ATP6V1E1: variants seen among roughly 807,000 people sequenced by gnomAD.
The protein encoded by ATP6V1E1 is V-type proton ATPase subunit E 1.
A neutral mutation model predicts 35.2 loss-of-function variants in ATP6V1E1; 21 were observed. The observed-to-expected ratio is 0.60, with a 90% CI of 0.42 to 0.86. The LOEUF (loss-of-function observed/expected upper bound fraction) is 0.86, where lower values mean the gene tolerates loss of function less well. Among genes scored for constraint, ATP6V1E1 ranks in the 40% least tolerant of loss-of-function variants. The pLI is 0.00. For missense variants in ATP6V1E1, 183 were observed against 272.6 expected, an observed-to-expected ratio of 0.67 and a Z score of 2.32; for synonymous variants, 83 against 87.8, an observed-to-expected ratio of 0.95 and a Z score of 0.30.
chr22:17,609,945 A>C (rs1331560640), intron 4 of ATP6V1E1, among the ~76,000 whole-genome samples: 1 of 152,178 alleles, frequency 6.6e-6, no homozygotes, highest in Non-Finnish European at 1.5e-5. Flanking sequence ...TTTAGGTGTC[A>C]AGTTTTCTTA....
intron 7 of ATP6V1E1, 124 bp downstream of exon 7, chr22:17,598,070 A>G: frequency 1.3e-6 from 1 of 749,298 alleles, no homozygotes; most frequent in African/African-American, 1.7e-5. Flanking sequence ...AGAATACACC[A>G]CAGCTCTAGC....
chr22:17,621,573 G>A (rs961550507), intron 1 of ATP6V1E1, among the ~76,000 whole-genome samples: 2 of 152,148 alleles, frequency 1.3e-5, no homozygotes, highest in African/African-American at 4.8e-5. Context: ...GGGATTTCAG[G>A]TGTGAGTCAC....
At chr22:17,602,505 G>T (rs1046303582) in intron 4 of ATP6V1E1, among the ~76,000 whole-genome samples, 115 of 152,114 alleles carry the variant, frequency 7.6e-4, no homozygotes, top group African/African-American at 2.7e-3. Flanking sequence ...CTCCCAAGTG[G>T]CTGGGACTAC....
chr22:17,592,141 A>G lies in ATP6V1E1; in HGVS notation c.*533T>C, dbSNP rs926666244. 7 of 152,672 alleles carry G rather than the reference A, an allele frequency of 4.6e-5. No individual in the cohort carries two copies. The highest frequency in any genetic ancestry group is 1.7e-4 in the African/African-American group (7 of 41,470). 9.5% of individuals were successfully genotyped at this position (152,672 alleles called of 1,614,324 possible). A position where few individuals can be genotyped will look rare whatever the true frequency, so the allele number is the denominator to read the frequency against. On this transcript the variant is annotated 3_prime_UTR_variant, in exon 9 of 9. Coordinates refer to ENST00000253413, the MANE Select transcript of ATP6V1E1 (RefSeq NM_001696.4). ...TGACTCTGTCAAAACCTAAATTTGTAGTGCCTTACACTAGAAATCACATTA... is the reference window on the plus strand; with the variant it reads ...TGACTCTGTCAAAACCTAAATTTGTGGTGCCTTACACTAGAAATCACATTA...
At chr22:17,598,400 C>T in intron 6 of ATP6V1E1, 112 bp from the exon 7 acceptor site, 1 of 831,544 alleles carries the variant, frequency 1.2e-6, no homozygotes, top group Non-Finnish European at 1.9e-6. Context: ...GGTAAAAGAA[C>T]AGAGGCACCG....
intron 6 of ATP6V1E1, among the ~76,000 whole-genome samples, chr22:17,599,236 G>A (rs2057748913): frequency 6.6e-6 from 1 of 151,652 alleles, no homozygotes; most frequent in African/African-American, 2.4e-5. Context: ...GTACTTAATG[G>A]CACAATGTAT....
At chr22:17,606,221 A>G (rs545484341) in intron 4 of ATP6V1E1, among the ~76,000 whole-genome samples, 7 of 152,272 alleles carry the variant, frequency 4.6e-5, no homozygotes, top group African/African-American at 1.7e-4. Context: ...CCAGTTCTGT[A>G]TTTTTCCCCT....
At chr22:17,609,532 G>A (rs1402619599) in intron 4 of ATP6V1E1, among the ~76,000 whole-genome samples, 1 of 138,190 alleles carries the variant, frequency 7.2e-6, no homozygotes, top group Non-Finnish European at 1.5e-5. Flanking sequence ...GCAGTGGTGC[G>A]ATCTCAGCTC....
intron 4 of ATP6V1E1, among the ~76,000 whole-genome samples, chr22:17,612,409 TTA>T (rs2057819963): frequency 6.6e-6 from 1 of 152,220 alleles, no homozygotes; most frequent in Non-Finnish European, 1.5e-5. Flanking sequence ...GCCTGCACGC[TTA>T]TATCATGAGC....
intron 8 of ATP6V1E1, among the ~76,000 whole-genome samples, chr22:17,593,568 T>C (rs143764980): frequency 2.2e-4 from 34 of 152,280 alleles, no homozygotes; most frequent in African/African-American, 7.9e-4. Flanking sequence ...GAAACTGAAT[T>C]TTTCGGTTTA....
intron 7 of ATP6V1E1, among the ~76,000 whole-genome samples, chr22:17,597,014 G>A (rs896129188): frequency 3.3e-5 from 5 of 151,894 alleles, no homozygotes; most frequent in African/African-American, 1.2e-4. Context: ...AGGCCGAGCG[G>A]GCAGATCACG....
chr22:17,611,037 C>T (rs568908610), intron 4 of ATP6V1E1, among the ~76,000 whole-genome samples: 3 of 152,214 alleles, frequency 2.0e-5, no homozygotes, highest in Middle Eastern at 3.4e-3. Context: ...TTTAGACAAA[C>T]GAATATGGCA....
At chr22:17,625,827 C>T (rs1282036070) in intron 1 of ATP6V1E1, among the ~76,000 whole-genome samples, 1 of 149,218 alleles carries the variant, frequency 6.7e-6, no homozygotes, top group Non-Finnish European at 1.5e-5. Flanking sequence ...TTTTGCATGA[C>T]AAAATTCTTA....
At position 17,621,073 on chromosome 22, in the gene ATP6V1E1, T is replaced by A. The variant is rs575221204; in HGVS notation, c.34-1547A>T. On this transcript the variant is annotated intron_variant, in intron 1 of 8. Coordinates refer to ENST00000253413, the MANE Select transcript of ATP6V1E1 (RefSeq NM_001696.4). ...CGAGACTCTGTCTCAAAAAAAAAAA[T>A]AGTTCTTTACCTTGCCCACCTCGCT... 1.0e-2 allele frequency among the ~76,000 whole-genome samples: 1,509 copies of A among 150,970 alleles called. 18 individuals carry two copies. The highest frequency in any genetic ancestry group is 0.034 in the African/African-American group (1,409 of 40,948).
chr22:17,605,432 A>T (rs1458070768), intron 4 of ATP6V1E1, among the ~76,000 whole-genome samples: 2 of 152,002 alleles, frequency 1.3e-5, no homozygotes, highest in East Asian at 3.9e-4. Flanking sequence ...CGGGAGGCTG[A>T]GGCAGGAGAA....
chr22:17,611,281 T>C (rs531643489), intron 4 of ATP6V1E1, among the ~76,000 whole-genome samples: 2 of 152,326 alleles, frequency 1.3e-5, no homozygotes, highest in South Asian at 4.1e-4. Flanking sequence ...GCAGGCAACA[T>C]TTCCCCAGGA....
intron 2 of ATP6V1E1, among the ~76,000 whole-genome samples, chr22:17,618,543 G>T (rs749360925): frequency 6.6e-6 from 1 of 151,752 alleles, no homozygotes; most frequent in African/African-American, 2.4e-5. Flanking sequence ...TTAGCCAGGC[G>T]TGGTGGCGGG....
chr22:17,603,375 AT>A (rs1308862933), intron 4 of ATP6V1E1, among the ~76,000 whole-genome samples: 2 of 151,826 alleles, frequency 1.3e-5, no homozygotes, highest in Admixed American at 1.3e-4. Flanking sequence ...AAAAAAAAAA[AT>A]CAGGTGGTGA....
In ATP6V1E1 at chr22:17,601,195, A is replaced by T; in HGVS notation, c.277-14T>A. 6.2e-7 allele frequency: 1 copy of T among 1,608,442 alleles called. No individual in the cohort carries two copies. The highest frequency in any genetic ancestry group is 8.5e-7 in the Non-Finnish European group (1 of 1,175,914). On this transcript the variant is annotated splice_polypyrimidine_tract_variant and intron_variant, in intron 4 of 8. Coordinates refer to ENST00000253413, the MANE Select transcript of ATP6V1E1 (RefSeq NM_001696.4). ...ATTTAGTAGGTCCTACAAAGATTAG[A>T]AAAGATAAAAGTTATCTACACATCT...
Sources: gnomAD v4.1 joint callset for allele counts (sites outside exome capture counted in the v4.1 genomes callset) on GRCh38, gnomAD v4.1.1 for gene constraint, MANE v1.5 for transcripts, NCBI Gene and HGNC (gene_info 2026-07-23, HGNC 2026-07-21) for gene names.